USH2A: variants seen among roughly 807,000 people sequenced by gnomAD.
The protein encoded by USH2A is Usher syndrome 2A (autosomal recessive, mild).
In USH2A, 443 loss-of-function variants were observed where a neutral mutation model predicts 538.9. The observed-to-expected ratio is 0.82, with a 90% CI of 0.76 to 0.89. USH2A has a LOEUF of 0.89. Ranked by LOEUF, USH2A falls within the 40% of genes least tolerant of loss-of-function variation. The pLI, the probability that USH2A is intolerant of heterozygous loss-of-function variation, is 0.00. For synonymous variants in USH2A, 2,413 were observed against 2,273.5 expected, an observed-to-expected ratio of 1.06 and a Z score of -1.75; for missense variants, 6,633 against 6,324.8, an observed-to-expected ratio of 1.05 and a Z score of -1.65.
At chr1:215,691,279 G>A (rs1455832981) in intron 61 of USH2A, among the ~76,000 whole-genome samples, 1 of 152,094 alleles carries the variant, frequency 6.6e-6, no homozygotes, top group Non-Finnish European at 1.5e-5. Flanking sequence ...TCAAAACCCT[G>A]TTCTAGTTCC....
At chr1:216,275,799 C>T (rs1485794412) in intron 11 of USH2A, among the ~76,000 whole-genome samples, 1 of 152,074 alleles carries the variant, frequency 6.6e-6, no homozygotes, top group African/African-American at 2.4e-5. Context: ...TAATTTGCTG[C>T]TTCTTTATAT....
intron 64 of USH2A, among the ~76,000 whole-genome samples, chr1:215,658,128 T>G (rs1004348359): frequency 5.5e-4 from 84 of 151,798 alleles, no homozygotes; most frequent in Middle Eastern, 3.4e-3. Flanking sequence ...GTAGAGACGG[T>G]GTTTCACCAT....
At chr1:215,893,183 G>A (rs1003688539) in intron 40 of USH2A, among the ~76,000 whole-genome samples, 2 of 152,112 alleles carry the variant, frequency 1.3e-5, no homozygotes, top group African/African-American at 4.8e-5. Context: ...ATCAAAATGA[G>A]GAAGACAACA....
chr1:215,932,214 A>G (rs1445735537), intron 38 of USH2A, among the ~76,000 whole-genome samples: 1 of 152,034 alleles, frequency 6.6e-6, no homozygotes, highest in Non-Finnish European at 1.5e-5. Context: ...TAACAATCCA[A>G]CTATAATGGA....
intron 44 of USH2A, among the ~76,000 whole-genome samples, chr1:215,864,017 A>G (rs1664401251): frequency 6.6e-6 from 1 of 152,096 alleles, no homozygotes; most frequent in African/African-American, 2.4e-5. Flanking sequence ...CCAGTGTTTT[A>G]CTGCTCTTTT....
intron 11 of USH2A, among the ~76,000 whole-genome samples, chr1:216,254,022 A>C (rs1378380012): frequency 6.6e-6 from 1 of 152,160 alleles, no homozygotes; most frequent in East Asian, 1.9e-4. Context: ...AAAAGTGTAT[A>C]ATATTGCCTT....
intron 35 of USH2A, among the ~76,000 whole-genome samples, chr1:215,983,612 C>G (rs187762301): frequency 9.3e-4 from 140 of 149,802 alleles, no homozygotes; most frequent in African/African-American, 3.3e-3. Flanking sequence ...CACGCACTAC[C>G]CCCCCATCAA....
At chr1:215,989,651 G>C (rs1667958798) in intron 35 of USH2A, among the ~76,000 whole-genome samples, 1 of 152,116 alleles carries the variant, frequency 6.6e-6, no homozygotes, top group Non-Finnish European at 1.5e-5. Context: ...TCGAGGGGTT[G>C]TGTGGTGACA....
rs186559640 is a variant in USH2A at position 216,322,420 on chromosome 1, T to C, written c.1551-444A>G. The stretch of plus-strand genomic sequence containing the variant: ...GAGTTTGAGAGCAGCCTGAGCAACA[T>C]GGCAAAACCCCATCTCTACAAAAAG... On this transcript the variant is annotated intron_variant, in intron 8 of 71. Coordinates refer to ENST00000307340, the MANE Select transcript of USH2A (RefSeq NM_206933.4). Among the ~76,000 whole-genome samples the C allele has an allele frequency of 7.7e-3, 1,176 of 151,764 alleles. 14 individuals carry two copies. The highest frequency in any genetic ancestry group is 0.01 in the Non-Finnish European group (696 of 67,914).
intron 3 of USH2A, among the ~76,000 whole-genome samples, chr1:216,381,716 T>C (rs2038925693): frequency 1.3e-5 from 2 of 152,194 alleles, no homozygotes; most frequent in Admixed American, 1.3e-4. Context: ...TTCATAAATT[T>C]CTTTTCCTTT....
intron 47 of USH2A, among the ~76,000 whole-genome samples, chr1:215,836,456 T>TATATATATTATATATATATATGTA (rs1571732681): frequency 3.0e-5 from 1 of 33,546 alleles, no homozygotes; most frequent in East Asian, 8.5e-4. Flanking sequence ...TGTGTGTGTG[T>TATATATATTATATATATATATGTA]ATATATATTA....
At chr1:215,947,990 A>C (rs1343518330) in intron 37 of USH2A, among the ~76,000 whole-genome samples, 1 of 152,158 alleles carries the variant, frequency 6.6e-6, no homozygotes, top group Non-Finnish European at 1.5e-5. Context: ...ATTAGGGAAA[A>C]GTGGAAGTAA....
chr1:215,934,643 G>A lies in USH2A; in HGVS notation c.7273C>T (p.Pro2425Ser). Residue 2425 changes from proline to serine, a missense_variant, in exon 38 of 72, where the codon CCT becomes TCT. By Grantham distance (74) the Pro-to-Ser change is moderately conservative. Transcript: ENST00000307340. Reference protein sequence around the residue: ...SNSQGSLITDPITIAMPPGAP... With the variant: ...SNSQGSLITDSITIAMPPGAP... The stretch of plus-strand genomic sequence containing the variant: ...CCTGGAGGCATTGCAATTGTTATAG[G>A]ATCAGTTATCAAGCTGCCTTGGCTA... 6.2e-7 allele frequency: 1 copy of A among 1,612,362 alleles called. No homozygotes were observed. The highest frequency in any genetic ancestry group is 8.5e-7 in the Non-Finnish European group (1 of 1,178,836).
At chr1:216,076,994 A>G (rs1394728509) in intron 27 of USH2A, among the ~76,000 whole-genome samples, 1 of 152,192 alleles carries the variant, frequency 6.6e-6, no homozygotes, top group East Asian at 1.9e-4. Context: ...AGTTGACTTT[A>G]TAACAGGCTG....
chr1:216,330,172 A>T (rs2102662698), intron 4 of USH2A, among the ~76,000 whole-genome samples: 1 of 152,242 alleles, frequency 6.6e-6, no homozygotes, highest in Admixed American at 6.5e-5. Flanking sequence ...ACAAGTATTT[A>T]TTGGAAGCCT....
intron 9 of USH2A, among the ~76,000 whole-genome samples, chr1:216,315,737 T>A (rs1213524983): frequency 6.6e-6 from 1 of 152,150 alleles, no homozygotes; most frequent in Non-Finnish European, 1.5e-5. Flanking sequence ...ATCTCAAAAT[T>A]AAAAGTTTAC....
intron 3 of USH2A, among the ~76,000 whole-genome samples, chr1:216,381,291 A>G (rs967052720): frequency 2.0e-5 from 3 of 152,172 alleles, no homozygotes; most frequent in African/African-American, 7.2e-5. Context: ...TCATGGTTAA[A>G]ACTCAAAGTA....
chr1:215,694,168 A>T (rs1658716496), intron 61 of USH2A, among the ~76,000 whole-genome samples: 1 of 152,222 alleles, frequency 6.6e-6, no homozygotes, highest in Non-Finnish European at 1.5e-5. Flanking sequence ...AATGACCTGT[A>T]CAAGATAAGA....
chr1:216,310,157 G>T (rs2102635891), intron 9 of USH2A, among the ~76,000 whole-genome samples: 1 of 152,204 alleles, frequency 6.6e-6, no homozygotes, highest in Non-Finnish European at 1.5e-5. Context: ...TACTGGCATA[G>T]TTGGATTAAT....
Sources: gnomAD v4.1 joint callset for allele counts (sites outside exome capture counted in the v4.1 genomes callset) on GRCh38, gnomAD v4.1.1 for gene constraint, MANE v1.5 for transcripts, NCBI Gene and HGNC (gene_info 2026-07-23, HGNC 2026-07-21) for gene names.